The following MSRA variants were observed in gnomAD, a reference collection of about 807,000 sequenced individuals.
The protein encoded by MSRA is mitochondrial peptide methionine sulfoxide reductase.
MSRA carries 54 observed loss-of-function variants against 31.3 expected under a neutral mutation model. The ratio of observed to expected loss-of-function variants is 1.73; its 90% confidence interval spans 1.39 to 2.17. MSRA has a LOEUF of 2.17. Among genes scored for constraint, MSRA ranks in the 30% most tolerant of loss-of-function variants. The probability of loss-of-function intolerance (pLI) is 0.00; values close to 1 mark genes in which losing one functional copy is unlikely to be tolerated. For missense variants in MSRA, 507 were observed against 300.9 expected (o/e 1.69, Z -5.07); for synonymous variants, 169 against 116.5 (o/e 1.45, Z -2.90).
At chr8:10,243,904 T>C (rs1375881333) in intron 2 of MSRA, among the ~76,000 whole-genome samples, 2 of 152,258 alleles carry the variant, frequency 1.3e-5, no homozygotes, top group African/African-American at 2.4e-5. Context: ...TTTGGCCTTA[T>C]ATTTTTATTT....
chr8:10,335,593 T>G (rs1269624497), intron 5 of MSRA, among the ~76,000 whole-genome samples: 3 of 152,124 alleles, frequency 2.0e-5, no homozygotes, highest in Non-Finnish European at 4.4e-5. Context: ...TTGTACCTGG[T>G]CAAACAGGTG....
chr8:10,072,954 C>A (rs1238383012), intron 1 of MSRA, among the ~76,000 whole-genome samples: 2 of 152,182 alleles, frequency 1.3e-5, no homozygotes, highest in Non-Finnish European at 2.9e-5. Context: ...GATCTTACAT[C>A]TTTCAACCTT....
At chr8:10,111,597 G>C (rs1046103222) in intron 1 of MSRA, among the ~76,000 whole-genome samples, 6 of 152,036 alleles carry the variant, frequency 3.9e-5, no homozygotes, top group African/African-American at 1.5e-4. Flanking sequence ...ATTTCCAAGT[G>C]GTTTAAAGGC....
chr8:10,396,081 C>T (rs778577082), intron 5 of MSRA, among the ~76,000 whole-genome samples: 9 of 152,186 alleles, frequency 5.9e-5, no homozygotes, highest in Non-Finnish European at 1.2e-4. Context: ...CTTAGAGGCA[C>T]CTTTTCATCT....
At chr8:10,234,464 T>TC (rs888883207) in intron 2 of MSRA, among the ~76,000 whole-genome samples, 3 of 152,058 alleles carry the variant, frequency 2.0e-5, no homozygotes, top group African/African-American at 7.2e-5. Context: ...GATTTTTTTT[T>TC]CGTTTTGCCT....
intron 1 of MSRA, among the ~76,000 whole-genome samples, chr8:10,147,877 C>A (rs1426186496): frequency 6.6e-6 from 1 of 152,200 alleles, no homozygotes; most frequent in African/African-American, 2.4e-5. Context: ...AGTGCAGAGA[C>A]CCCGGACCAC....
intron 1 of MSRA, chr8:10,058,904 A>C (rs1042534454): frequency 6.6e-6 from 1 of 152,242 alleles, no homozygotes; most frequent in Admixed American, 6.5e-5. Context: ...TCAAACCTTT[A>C]AACTTCTTAA....
At chr8:10,412,955 G>T (rs879257686) in intron 5 of MSRA, among the ~76,000 whole-genome samples, 1 of 152,190 alleles carries the variant, frequency 6.6e-6, no homozygotes, top group South Asian at 2.1e-4. Context: ...CACCTACTGT[G>T]AGCCAGCAAT....
At chr8:10,388,832 G>C (rs1361760123) in intron 5 of MSRA, among the ~76,000 whole-genome samples, 1 of 151,790 alleles carries the variant, frequency 6.6e-6, no homozygotes, top group Non-Finnish European at 1.5e-5. Context: ...TGACCTACTA[G>C]ATGCCATTAG....
chr8:10,056,573 C>T (rs1802385524), intron 1 of MSRA, among the ~76,000 whole-genome samples: 2 of 149,658 alleles, frequency 1.3e-5, no homozygotes, highest in African/African-American at 4.9e-5. Context: ...TGCATATGTC[C>T]TTATTGTTCA....
intron 1 of MSRA, among the ~76,000 whole-genome samples, chr8:10,127,902 C>T (rs987895868): frequency 6.6e-6 from 1 of 151,670 alleles, no homozygotes; most frequent in African/African-American, 2.4e-5. Context: ...TTATTGCCTT[C>T]ACGTGGGGTG....
intron 4 of MSRA, among the ~76,000 whole-genome samples, chr8:10,316,443 T>G (rs1029172294): frequency 5.9e-5 from 9 of 151,942 alleles, no homozygotes; most frequent in African/African-American, 2.2e-4. Flanking sequence ...CCTCCAAGTA[T>G]TTGCAGAATT....
chr8:10,353,941 C>A, intron 5 of MSRA: 1 of 198,868 alleles, frequency 5.0e-6, no homozygotes, highest in South Asian at 8.9e-5. Flanking sequence ...GGAAGGAAAG[C>A]AGTGTTGTCA....
intron 1 of MSRA, among the ~76,000 whole-genome samples, chr8:10,149,259 T>C (rs546649296): frequency 3.3e-5 from 5 of 152,118 alleles, no homozygotes; most frequent in Non-Finnish European, 5.9e-5. Flanking sequence ...GTATCTGGGA[T>C]TACAGGTGCC....
intron 5 of MSRA, among the ~76,000 whole-genome samples, chr8:10,408,214 C>A (rs1807939416): frequency 6.6e-6 from 1 of 152,142 alleles, no homozygotes; most frequent in Admixed American, 6.5e-5. Context: ...TAGCACCACT[C>A]TGACTTTACA....
intron 5 of MSRA, among the ~76,000 whole-genome samples, chr8:10,325,456 C>A (rs1270670693): frequency 5.9e-5 from 9 of 151,928 alleles, no homozygotes; most frequent in Non-Finnish European, 4.4e-5. Flanking sequence ...ATGTATAGAT[C>A]TTAGGTGTTT....
intron 3 of MSRA, among the ~76,000 whole-genome samples, chr8:10,254,115 C>G (rs1164695499): frequency 2.0e-5 from 3 of 152,030 alleles, no homozygotes; most frequent in South Asian, 2.1e-4. Flanking sequence ...CTTAATAAAT[C>G]CTGGCCTCTG....
chr8:10,105,516 A>G (rs541019552), intron 1 of MSRA, among the ~76,000 whole-genome samples: 1 of 152,332 alleles, frequency 6.6e-6, no homozygotes, highest in South Asian at 2.1e-4. Context: ...GTTTTACTCT[A>G]TTATTTGCAG....
rs1184991397 is a variant in MSRA, at chr8:10,417,419, GACACACACAC to G, written c.544-10711_544-10702del. ...AGAAGCACTCATCCCTTCGTCAGAAGACACACACACACACACACACACACACATACGCACA... is the reference window on the plus strand; with the variant it reads ...AGAAGCACTCATCCCTTCGTCAGAAGACACACACACACACACATACGCACA... On this transcript the variant is annotated intron_variant, in intron 5 of 5. Coordinates refer to ENST00000317173, the MANE Select transcript of MSRA (RefSeq NM_012331.5). 2.7e-3 allele frequency among the ~76,000 whole-genome samples: 396 copies of G among 145,484 alleles called. 2 individuals carry two copies. Among genetic ancestry groups the G allele is most frequent in the African/African-American group, 9.8e-3 (383 of 39,282 alleles).
Sources: allele counts gnomAD v4.1 joint callset (sites outside exome capture counted in the v4.1 genomes callset), GRCh38; gene constraint gnomAD v4.1.1; transcripts MANE v1.5; gene names NCBI Gene and HGNC (gene_info 2026-07-23, HGNC 2026-07-21).